TINAGL1: variants seen among roughly 807,000 people sequenced by gnomAD.
TINAGL1 encodes tubulointerstitial nephritis antigen-like.
A neutral mutation model predicts 62.0 loss-of-function variants in TINAGL1; 34 were observed. The ratio of observed to expected loss-of-function variants is 0.55; its 90% CI spans 0.42 to 0.73. The LOEUF is 0.73. Ranked by LOEUF, TINAGL1 falls within the 30% of genes least tolerant of loss-of-function variation. TINAGL1 has a pLI of 0.00. For synonymous variants in TINAGL1, 221 were observed against 249.7 expected, an observed-to-expected ratio of 0.88 and a Z score of 1.08; for missense variants, 516 against 653.2, an observed-to-expected ratio of 0.79 and a Z score of 2.29.
Position 31,578,942 on chromosome 1 carries a change from TATGTGTG to T in TINAGL1, c.311-261_311-255del, listed in dbSNP as rs2148586571. ...TGGCTTCAATTTCAGTGAGAGCTGG[TATGTGTG>T]TGTGTGTGTGTGTGATGCCTTCAGT... On this transcript the variant is annotated intron_variant, in intron 2 of 11. Coordinates refer to ENST00000271064, the MANE Select transcript of TINAGL1 (RefSeq NM_022164.3). Among the ~76,000 whole-genome samples the T allele has an allele frequency of 3.6e-5, 3 of 83,812 alleles. 1 individual carries two copies. The highest frequency in any genetic ancestry group is 4.7e-5 in the Non-Finnish European group (2 of 43,002). The allele number at this position is 83,812 out of a possible 152,430, so 55.0% of individuals were successfully genotyped here. A position where few individuals can be genotyped will look rare whatever the true frequency, so the allele number is the denominator to read the frequency against.
In TINAGL1 at chr1:31,585,027, G is replaced by A. The variant is rs769053753; in HGVS notation, c.848G>A (p.Arg283His). The A allele has an allele frequency of 1.8e-5, 28 of 1,597,624 alleles. No individual in the cohort carries two copies. Among genetic ancestry groups the A allele is most frequent in the South Asian group, 1.0e-4 (9 of 89,974 alleles). The change falls in exon 7 of 12, where the codon CGT (arginine) becomes CAT (histidine). Residue 283 changes from arginine (R) to histidine (H), a missense_variant. By Grantham distance (29) the Arg-to-His change is conservative (BLOSUM62 0). Coordinates refer to ENST00000271064, the MANE Select transcript of TINAGL1 (RefSeq NM_022164.3). The surrounding 1 kb of genome is among the most constrained non-coding windows in gnomAD (Gnocchi z 4.3). ...GRLDGAWWFL[R>H]RRGVVSDHCY... Reference sequence around the variant, plus strand: ...CTCGATGGTGCCTGGTGGTTCCTGCGTCGCCGAGGGTATGCAGCAACAGGG... The same window carrying A: ...CTCGATGGTGCCTGGTGGTTCCTGCATCGCCGAGGGTATGCAGCAACAGGG...
In TINAGL1 at chr1:31,587,310, C is replaced by A. The variant is rs1001241447; in HGVS notation, c.*331C>A. 10 of 251,072 alleles carry A rather than the reference C, an allele frequency of 4.0e-5. No homozygotes were observed. The highest frequency in any genetic ancestry group is 7.4e-5 in the East Asian group (1 of 13,472). The allele number at this position is 251,072 out of a possible 1,614,324, so 15.6% of individuals were successfully genotyped here. On this transcript the variant is annotated 3_prime_UTR_variant, in exon 12 of 12. Transcript: ENST00000271064. ...AGTCTCCAGCCCCACTACCCCACCC[C>A]ACTCCTGTATTCTTTTTTTTTTTTT...
rs375462608 is a variant in TINAGL1 at position 31,583,113 on chromosome 1, C to T, written c.375-36C>T. ...CATTCCTTCAAAGTATCCCCAGTCC[C>T]CCACTTACCCTTTCCTTCTCTCCTT... is the stretch of plus-strand genomic sequence containing the variant. On this transcript the variant is annotated intron_variant, in intron 3 of 11. Coordinates refer to ENST00000271064, the MANE Select transcript of TINAGL1 (RefSeq NM_022164.3). This position sits in a 1 kb window ranked among gnomAD's most constrained non-coding sequence, Gnocchi z 4.4. 31 of 1,596,830 alleles carry T rather than the reference C, an allele frequency of 1.9e-5. No homozygotes were observed. The highest frequency in any genetic ancestry group is 6.6e-5 in the South Asian group (6 of 90,750).
In TINAGL1 at chr1:31,576,998, C is replaced by G; in HGVS notation, c.-15-136C>G. 2.5e-6 allele frequency: 2 copies of G among 786,824 alleles called. No homozygotes were observed. The highest frequency in any genetic ancestry group is 3.2e-5 in the Admixed American group (1 of 31,700). The allele number at this position is 786,824 out of a possible 1,614,324, so 48.7% of individuals were successfully genotyped here. Reference sequence around the variant, plus strand: ...GCCCACACACTGGGGCTCCTCTGCCCGTGTCCTGCCTGGGGACTCAGGAAT... The same window carrying G: ...GCCCACACACTGGGGCTCCTCTGCCGGTGTCCTGCCTGGGGACTCAGGAAT... On this transcript the variant is annotated intron_variant, in intron 1 of 11. Coordinates refer to ENST00000271064, the MANE Select transcript of TINAGL1 (RefSeq NM_022164.3). The surrounding 1 kb of genome is among the most constrained non-coding windows in gnomAD (Gnocchi z 5.1).
In TINAGL1 at chr1:31,583,872, G is replaced by T; in HGVS notation, c.582+297G>T. 1 of 347,646 alleles carries T rather than the reference G, an allele frequency of 2.9e-6. No individual in the cohort carries two copies. 21.5% of individuals were successfully genotyped at this position (347,646 alleles called of 1,614,324 possible). On this transcript the variant is annotated intron_variant, in intron 5 of 11. Coordinates refer to ENST00000271064, the MANE Select transcript of TINAGL1 (RefSeq NM_022164.3). The surrounding 1 kb of genome is among the most constrained non-coding windows in gnomAD (Gnocchi z 4.4). ...AGTACAGCTGGGTTAGGGCCCAAGGGGACAGGGGGTCACCTTGGTATTTTG... is the reference window on the plus strand; with the variant it reads ...AGTACAGCTGGGTTAGGGCCCAAGGTGACAGGGGGTCACCTTGGTATTTTG...
chr1:31,582,488 T>C (rs1314162215), intron 3 of TINAGL1, among the ~76,000 whole-genome samples: 2 of 152,136 alleles, frequency 1.3e-5, no homozygotes, highest in African/African-American at 4.8e-5. Flanking sequence ...TGGCTCTTAT[T>C]CTGTGATGTG....
chr1:31,582,450 C>T (rs914637599), intron 3 of TINAGL1, among the ~76,000 whole-genome samples: 15 of 152,146 alleles, frequency 9.9e-5, no homozygotes, highest in Non-Finnish European at 1.9e-4. Flanking sequence ...GAGGACAGAG[C>T]GTGCAGGGCC....
Position 31,576,929 on chromosome 1 carries a change from G to T in TINAGL1, c.-15-205G>T. 1 of 508,294 alleles carries T rather than the reference G, an allele frequency of 2.0e-6. No homozygotes were observed. The highest frequency in any genetic ancestry group is 3.7e-5 in the South Asian group (1 of 26,778). The allele number at this position is 508,294 out of a possible 1,614,324, so 31.5% of individuals were successfully genotyped here. ...CTTGAAGGTCCCTGCCTAGGTCAGGGAGGGGCTCCGTTTCTGCCCAGTCCC... is the reference window on the plus strand; with the variant it reads ...CTTGAAGGTCCCTGCCTAGGTCAGGTAGGGGCTCCGTTTCTGCCCAGTCCC... On this transcript the variant is annotated intron_variant, in intron 1 of 11. Coordinates refer to ENST00000271064, the MANE Select transcript of TINAGL1 (RefSeq NM_022164.3). This position sits in a 1 kb window ranked among gnomAD's most constrained non-coding sequence, Gnocchi z 5.1.
At position 31,586,585 on chromosome 1, in the gene TINAGL1, G is replaced by A; in HGVS notation, c.1218-125G>A. On this transcript the variant is annotated intron_variant, in intron 10 of 11. Transcript: ENST00000271064. ...TGCAGAGAGGTACAGAGACCTGCCT[G>A]AGCCCTAAGGGTGTACCCAACCCTC... The A allele has an allele frequency of 3.7e-6, 4 of 1,083,246 alleles. No homozygotes were observed. The South Asian group carries it at 5.4e-5, about 15-fold the overall frequency. The allele number at this position is 1,083,246 out of a possible 1,614,324, so 67.1% of individuals were successfully genotyped here.
At chr1:31,581,434 C>A (rs1439695847) in intron 3 of TINAGL1, among the ~76,000 whole-genome samples, 1 of 152,082 alleles carries the variant, frequency 6.6e-6, no homozygotes, top group Non-Finnish European at 1.5e-5. Context: ...CATCTCCAAG[C>A]CCTGCTGATG....
rs1484670668 is a variant in TINAGL1, at chr1:31,584,596, G to C, written c.583-82G>C. On this transcript the variant is annotated intron_variant, in intron 5 of 11. Transcript: ENST00000271064. This position sits in a 1 kb window ranked among gnomAD's most constrained non-coding sequence, Gnocchi z 4.0. ...TTAAACTGCAGAAGGCCCTGGACTT[G>C]GTGGCCCTCCAGTGCCAATGGGCAC... is the stretch of plus-strand genomic sequence containing the variant. 6.3e-7 allele frequency: 1 copy of C among 1,595,444 alleles called. No individual in the cohort carries two copies. Among genetic ancestry groups the C allele is most frequent in the Non-Finnish European group, 8.6e-7 (1 of 1,166,982 alleles).
At position 31,583,168 on chromosome 1, in the gene TINAGL1, C is replaced by G; in HGVS notation, c.394C>G (p.Gln132Glu). 1.2e-6 allele frequency: 2 copies of G among 1,614,168 alleles called. No individual in the cohort carries two copies. Among genetic ancestry groups the G allele is most frequent in the Non-Finnish European group, 1.7e-6 (2 of 1,180,022 alleles). ...CACCAGCACCTGCCAGGAGAACAGG[C>G]AGTGGCAGTGTGACCAAGAACCATG... ...CNRCTCQENR[Q>E]WQCDQEPCLV... Residue 132 changes from glutamine to glutamate, a missense_variant, in exon 4 of 12, where the codon CAG (glutamine) becomes GAG (glutamate). Physicochemically the swap from Gln to Glu is conservative, Grantham distance 29. Transcript: ENST00000271064. This position sits in a 1 kb window ranked among gnomAD's most constrained non-coding sequence, Gnocchi z 4.4.
At chr1:31,578,572 T>TGTGTG (rs1639085562) in intron 2 of TINAGL1, among the ~76,000 whole-genome samples, 1 of 142,154 alleles carries the variant, frequency 7.0e-6, no homozygotes. Context: ...TGTGTGTGTG[T>TGTGTG]TGTCTTCAGT....
In TINAGL1 at chr1:31,584,661, C is replaced by A. The variant is rs748260033; in HGVS notation, c.583-17C>A. 1.1e-5 allele frequency: 18 copies of A among 1,612,624 alleles called. No homozygotes were observed. In the Admixed American group the frequency reaches 1.3e-4, roughly 12 times the overall value. Reference sequence around the variant, plus strand: ...AGGGCAGAGCAGGAGGCAGACAGGGCAACCTTTATCTTGCAGACAGTGCTG... The same window carrying A: ...AGGGCAGAGCAGGAGGCAGACAGGGAAACCTTTATCTTGCAGACAGTGCTG... On this transcript the variant is annotated splice_polypyrimidine_tract_variant and intron_variant, in intron 5 of 11. Coordinates refer to ENST00000271064, the MANE Select transcript of TINAGL1 (RefSeq NM_022164.3). This position sits in a 1 kb window ranked among gnomAD's most constrained non-coding sequence, Gnocchi z 4.0.
In TINAGL1 at chr1:31,586,750, T is replaced by C; in HGVS notation, c.1258T>C (p.Tyr420His). The C allele has an allele frequency of 3.9e-6, 6 of 1,554,258 alleles. No homozygotes were observed. Among genetic ancestry groups the C allele is most frequent in the Non-Finnish European group, 4.4e-6 (5 of 1,148,438 alleles). The change falls in exon 11 of 12, where the codon TAC becomes CAC. Residue 420 changes from tyrosine (Y) to histidine (H), a missense_variant. Transcript: ENST00000271064. ...ETLPDGRTLKYWTAANSWGPA... is the reference protein window; with the variant it reads ...ETLPDGRTLKHWTAANSWGPA... The stretch of plus-strand genomic sequence containing the variant: ...GCTGCCAGATGGAAGGACGCTCAAA[T>C]ACTGGGTGAGGCCGCTGACCCTTTC...
chr1:31,586,195 C>A (rs1639386554), intron 10 of TINAGL1: 1 of 318,294 alleles, frequency 3.1e-6, no homozygotes, highest in Admixed American at 4.6e-5. Flanking sequence ...CACCGAGTGA[C>A]CTGGGAGGTC....
In TINAGL1 at chr1:31,583,384, TC is replaced by T. The variant is rs1371240883; in HGVS notation, c.468-74del. On this transcript the variant is annotated intron_variant, in intron 4 of 11. Coordinates refer to ENST00000271064, the MANE Select transcript of TINAGL1 (RefSeq NM_022164.3). This position sits in a 1 kb window ranked among gnomAD's most constrained non-coding sequence, Gnocchi z 4.4. ...TGTGCGCTCAGCCACTGTGCGTCTC[TC>T]CCACCCACATGCACCCACGCCAAGG... 4 of 1,490,492 alleles carry T rather than the reference TC, an allele frequency of 2.7e-6. No homozygotes were observed. In the East Asian group the frequency reaches 9.4e-5, roughly 35 times the overall value. The allele number at this position is 1,490,492 out of a possible 1,614,324, so 92.3% of individuals were successfully genotyped here.
chr1:31,582,935 G>T (rs1447808816), intron 3 of TINAGL1, among the ~76,000 whole-genome samples: 2 of 152,120 alleles, frequency 1.3e-5, no homozygotes, highest in African/African-American at 4.8e-5. Context: ...CCTTGACTCT[G>T]GTGTTCAGGC....
intron 3 of TINAGL1, chr1:31,580,607 C>T: frequency 1.6e-6 from 2 of 1,289,394 alleles, no homozygotes; most frequent in Non-Finnish European, 2.0e-6. Flanking sequence ...CCCCGCCTCT[C>T]CTGGGGCTGG....
Sources: gnomAD v4.1 joint callset for allele counts (sites outside exome capture counted in the v4.1 genomes callset) on GRCh38, gnomAD v4.1.1 for gene constraint, Gnocchi (gnomAD v3.1) non-coding constraint, MANE v1.5 for transcripts, NCBI Gene and HGNC (gene_info 2026-07-23, HGNC 2026-07-21) for gene names.